ARHGAP10: variants seen among roughly 807,000 people sequenced by gnomAD.
ARHGAP10 encodes Rho GTPase activating protein 10.
A neutral mutation model predicts 108.6 loss-of-function variants in ARHGAP10; 87 were observed. That is an observed-to-expected ratio of 0.80 (90% confidence interval 0.67 to 0.96). The LOEUF is 0.96. ARHGAP10 is among the 40% of genes least tolerant of loss of function. The pLI, the probability that ARHGAP10 is intolerant of heterozygous loss-of-function variation, is 0.00. For synonymous variants in ARHGAP10, 347 were observed against 341.1 expected, an observed-to-expected ratio of 1.02 and a Z score of -0.19; for missense variants, 939 against 954.5, an observed-to-expected ratio of 0.98 and a Z score of 0.21.
intron 1 of ARHGAP10, among the ~76,000 whole-genome samples, chr4:147,758,130 G>C (rs1729454565): frequency 6.6e-6 from 1 of 152,174 alleles, no homozygotes; most frequent in African/African-American, 2.4e-5. Context: ...GGGCGTGGTA[G>C]CACATGCCTA....
Position 147,864,897 on chromosome 4 carries a change from G to A in ARHGAP10, c.538G>A (p.Glu180Lys), listed in dbSNP as rs755105567. The A allele has an allele frequency of 8.1e-6, 13 of 1,613,974 alleles. No individual in the cohort carries two copies. The African/African-American group carries it at 1.2e-4, about 15-fold the overall frequency. Reference protein sequence around the residue: ...NRQHFYELSLEYVCKLQEIQE... With the variant: ...NRQHFYELSLKYVCKLQEIQE... ...GCAACACTTCTATGAACTGTCTCTCGAGTATGTGTGTAAGCTGCAGGAAAT... is the reference window on the plus strand; with the variant it reads ...GCAACACTTCTATGAACTGTCTCTCAAGTATGTGTGTAAGCTGCAGGAAAT... Residue 180 changes from glutamate (E) to lysine (K), a missense_variant, in exon 6 of 23, where the codon GAG becomes AAG. Transcript: ENST00000336498.
chr4:147,948,071 G>C (rs1251405159), intron 15 of ARHGAP10, among the ~76,000 whole-genome samples: 1 of 151,720 alleles, frequency 6.6e-6, no homozygotes, highest in Non-Finnish European at 1.5e-5. Context: ...CTCCTGAGTA[G>C]CTGAGATTAC....
At chr4:147,963,733 C>G (rs756184207) in intron 16 of ARHGAP10, among the ~76,000 whole-genome samples, 1 of 152,146 alleles carries the variant, frequency 6.6e-6, no homozygotes, top group South Asian at 2.1e-4. Context: ...GTTGGGAGGG[C>G]CGTGCTCCCT....
intron 1 of ARHGAP10, among the ~76,000 whole-genome samples, chr4:147,798,724 ACT>A (rs1178256407): frequency 1.3e-4 from 11 of 86,010 alleles, no homozygotes; most frequent in African/African-American, 5.5e-4. Context: ...AGTTTGAGAC[ACT>A]CTCTCTCTCT....
intron 1 of ARHGAP10, among the ~76,000 whole-genome samples, chr4:147,787,778 G>A (rs1730952505): frequency 6.6e-6 from 1 of 152,116 alleles, no homozygotes; most frequent in Non-Finnish European, 1.5e-5. Context: ...TGTGTGCACA[G>A]CCTATGGAGT....
At chr4:147,917,770 T>C (rs575165380) in intron 13 of ARHGAP10, among the ~76,000 whole-genome samples, 1 of 152,366 alleles carries the variant, frequency 6.6e-6, no homozygotes, top group South Asian at 2.1e-4. Flanking sequence ...TGAATGGAGC[T>C]AATTTCATGT....
chr4:147,981,090 T>G (rs1739790840), intron 18 of ARHGAP10, among the ~76,000 whole-genome samples: 1 of 152,184 alleles, frequency 6.6e-6, no homozygotes, highest in Admixed American at 6.5e-5. Flanking sequence ...TTTTAGTTAT[T>G]TCTTTTCTTT....
chr4:147,824,833 A>G (rs1401008726), intron 3 of ARHGAP10, among the ~76,000 whole-genome samples: 1 of 152,144 alleles, frequency 6.6e-6, no homozygotes, highest in Non-Finnish European at 1.5e-5. Context: ...TTGGGTGGGG[A>G]CACAGAGCCA....
At chr4:147,808,012 G>A (rs1208767424) in intron 1 of ARHGAP10, among the ~76,000 whole-genome samples, 1 of 152,228 alleles carries the variant, frequency 6.6e-6, no homozygotes, top group Non-Finnish European at 1.5e-5. Context: ...TAGGCATGTG[G>A]ATCTTTGTTC....
At chr4:147,907,577 T>C (rs923412656) in intron 11 of ARHGAP10, among the ~76,000 whole-genome samples, 4 of 152,152 alleles carry the variant, frequency 2.6e-5, no homozygotes, top group African/African-American at 7.2e-5. Flanking sequence ...ATAGAGCTTA[T>C]GAAATGGGCA....
chr4:147,986,354 C>T (rs1740045489), intron 18 of ARHGAP10, among the ~76,000 whole-genome samples: 2 of 152,208 alleles, frequency 1.3e-5, no homozygotes, highest in Admixed American at 6.5e-5. Flanking sequence ...TTTGAGCCCA[C>T]TCTGTTTCCA....
At chr4:147,788,838 CATT>C (rs1302991447) in intron 1 of ARHGAP10, among the ~76,000 whole-genome samples, 1 of 152,198 alleles carries the variant, frequency 6.6e-6, no homozygotes, top group Admixed American at 6.5e-5. Context: ...CTTGAGAAAA[CATT>C]CATGCTTTAT....
intron 21 of ARHGAP10, 128 bp downstream of exon 21, chr4:148,063,428 A>T: frequency 7.8e-7 from 1 of 1,279,344 alleles, no homozygotes; most frequent in Non-Finnish European, 1.1e-6. Context: ...CCTGGACTTC[A>T]TGGACAGCAC....
chr4:148,041,756 C>G (rs964865808), intron 19 of ARHGAP10, among the ~76,000 whole-genome samples: 5 of 152,162 alleles, frequency 3.3e-5, no homozygotes, highest in Admixed American at 2.0e-4. Flanking sequence ...AAGACATGTC[C>G]TCTTGACCAA....
intron 20 of ARHGAP10, among the ~76,000 whole-genome samples, chr4:148,058,351 G>C (rs1353537366): frequency 3.3e-5 from 5 of 152,130 alleles, no homozygotes; most frequent in Non-Finnish European, 7.3e-5. Flanking sequence ...CTTGGTATTT[G>C]GGGGATTTAG....
chr4:147,943,403 C>T (rs550089593), intron 14 of ARHGAP10, among the ~76,000 whole-genome samples: 2 of 152,318 alleles, frequency 1.3e-5, no homozygotes, highest in African/African-American at 4.8e-5. Context: ...AGTGAACTAA[C>T]GTAGCTGAAA....
At chr4:147,949,975 A>G (rs917265340) in intron 15 of ARHGAP10, among the ~76,000 whole-genome samples, 1 of 152,080 alleles carries the variant, frequency 6.6e-6, no homozygotes, top group Non-Finnish European at 1.5e-5. Flanking sequence ...CTGGTTCCTT[A>G]TTGCCCCTGG....
At chr4:147,850,014 A>G (rs1311849139) in intron 4 of ARHGAP10, among the ~76,000 whole-genome samples, 2 of 152,312 alleles carry the variant, frequency 1.3e-5, no homozygotes, top group Non-Finnish European at 2.9e-5. Flanking sequence ...AAACGCACCA[A>G]TCAGCGCTCT....
intron 18 of ARHGAP10, among the ~76,000 whole-genome samples, chr4:147,970,548 C>T (rs1372179768): frequency 1.3e-5 from 2 of 152,074 alleles, no homozygotes; most frequent in Non-Finnish European, 1.5e-5. Flanking sequence ...TTCTTTTCCT[C>T]AGTTATTTGT....
Sources: allele counts gnomAD v4.1 joint callset (sites outside exome capture counted in the v4.1 genomes callset), GRCh38; gene constraint gnomAD v4.1.1; transcripts MANE v1.5; gene names NCBI Gene and HGNC (gene_info 2026-07-23, HGNC 2026-07-21).